LGR4: variants seen among roughly 807,000 people sequenced by gnomAD.
The protein encoded by LGR4 is leucine-rich repeat-containing G protein-coupled receptor 4.
In LGR4, 44 loss-of-function variants were observed where a neutral mutation model predicts 84.8. The observed-to-expected ratio is 0.52, with a 90% CI of 0.41 to 0.67. The LOEUF is 0.67. LGR4 is among the 30% of genes least tolerant of loss of function. The pLI is 0.00. For synonymous variants in LGR4, 429 were observed against 434.3 expected (o/e 0.99, Z 0.15); for missense variants, 1,032 against 1,131.4 (o/e 0.91, Z 1.26).
rs751503053 is a variant in LGR4 at position 27,384,322 on chromosome 11, ATG to A, written c.689+12_689+13del. The A allele has an allele frequency of 3.2e-6, 5 of 1,554,310 alleles. No individual in the cohort carries two copies. The highest frequency in any genetic ancestry group is 4.4e-6 in the Non-Finnish European group (5 of 1,129,740). The stretch of plus-strand genomic sequence containing the variant: ...ATATCACAATGCAGTTGCCCAAAAT[ATG>A]AATATACTTACAAGGTCTCCAGGTT... On this transcript the variant is annotated intron_variant, in intron 6 of 17. Transcript: ENST00000379214.
intron 1 of LGR4, among the ~76,000 whole-genome samples, chr11:27,437,942 C>A (rs768613719): frequency 2.0e-5 from 3 of 151,840 alleles, no homozygotes; most frequent in African/African-American, 4.8e-5. Flanking sequence ...CTTGAGCTTG[C>A]GAGGTTAAGA....
At position 27,368,104 on chromosome 11, in the gene LGR4, T is replaced by C; in HGVS notation, c.2619A>G (p.Lys873=). ...SFLLTKPVSC[K]HLIKSHSCPA... ...GACAGCTGTGTGATTTTATCAAGTG[T>C]TTGCATGATACTGGCTTTGTTAAAA... Residue 873 remains lysine (K), a synonymous_variant, in exon 18 of 18, where the codon AAA becomes AAG. Coordinates refer to ENST00000379214, the MANE Select transcript of LGR4 (RefSeq NM_018490.5). The C allele has an allele frequency of 6.2e-7, 1 of 1,614,108 alleles. No homozygotes were observed. Among genetic ancestry groups the C allele is most frequent in the Non-Finnish European group, 8.5e-7 (1 of 1,180,018 alleles).
intron 1 of LGR4, among the ~76,000 whole-genome samples, chr11:27,466,970 G>A (rs1007039906): frequency 6.6e-6 from 1 of 151,892 alleles, no homozygotes; most frequent in Non-Finnish European, 1.5e-5. Flanking sequence ...ATTTTAAGTA[G>A]AGACGGGGTT....
intron 15 of LGR4, 44 bp downstream of exon 15, chr11:27,373,507 C>G: frequency 6.8e-7 from 1 of 1,478,140 alleles, no homozygotes. Context: ...AATTTTGGAG[C>G]CTACCATAAC....
intron 1 of LGR4, among the ~76,000 whole-genome samples, chr11:27,451,157 CA>C (rs1864474828): frequency 6.6e-6 from 1 of 152,106 alleles, no homozygotes; most frequent in African/African-American, 2.4e-5. Context: ...AAAGTTAGCA[CA>C]ATTTTTCACT....
At chr11:27,396,623 C>A (rs557343201) in intron 2 of LGR4, among the ~76,000 whole-genome samples, 59 of 152,270 alleles carry the variant, frequency 3.9e-4, no homozygotes, top group African/African-American at 1.3e-3. Context: ...CAAAGACCAG[C>A]CACTTCCCAT....
At chr11:27,418,592 C>T (rs1863864808) in intron 1 of LGR4, among the ~76,000 whole-genome samples, 2 of 152,076 alleles carry the variant, frequency 1.3e-5, no homozygotes, top group South Asian at 2.1e-4. Context: ...AGGACAGATG[C>T]CACAACACCC....
intron 1 of LGR4, among the ~76,000 whole-genome samples, chr11:27,422,512 G>A (rs373332369): frequency 5.3e-5 from 8 of 152,202 alleles, no homozygotes; most frequent in East Asian, 3.9e-4. Context: ...ATCAAATGTT[G>A]TAAAGGTAAG....
chr11:27,465,966 G>GA (rs1349047450), intron 1 of LGR4, among the ~76,000 whole-genome samples: 1 of 151,904 alleles, frequency 6.6e-6, no homozygotes, highest in Non-Finnish European at 1.5e-5. Flanking sequence ...GGGGAAAAAA[G>GA]AAAAAAAGTC....
chr11:27,428,536 G>A (rs1864063985), intron 1 of LGR4, among the ~76,000 whole-genome samples: 4 of 152,194 alleles, frequency 2.6e-5, no homozygotes, highest in South Asian at 2.1e-4. Context: ...GCACAAACAT[G>A]TCTTGCTTGG....
intron 1 of LGR4, among the ~76,000 whole-genome samples, chr11:27,425,879 T>C (rs1166963686): frequency 6.6e-6 from 1 of 152,180 alleles, no homozygotes; most frequent in African/African-American, 2.4e-5. Flanking sequence ...TTTATAAATA[T>C]CTCTTTGATG....
chr11:27,467,063 G>T (rs942555320), intron 1 of LGR4, among the ~76,000 whole-genome samples: 70 of 151,828 alleles, frequency 4.6e-4, no homozygotes, highest in Non-Finnish European at 7.6e-4. Flanking sequence ...TGGGATTACA[G>T]GTGTGAGCCA....
At chr11:27,378,911 G>A (rs1863038418) in intron 10 of LGR4, 143 bp from the exon 11 acceptor site, 3 of 612,270 alleles carry the variant, frequency 4.9e-6, no homozygotes, top group Non-Finnish European at 5.7e-6. Context: ...CATAAAGTTA[G>A]ACATGCAAGA....
intron 13 of LGR4, 102 bp from the exon 14 acceptor site, chr11:27,374,148 G>T: frequency 1.3e-6 from 1 of 758,828 alleles, no homozygotes; most frequent in Non-Finnish European, 2.3e-6. Context: ...CAATATCGCT[G>T]ATAAGATAAC....
chr11:27,374,005 G>A lies in LGR4; in HGVS notation c.1223C>T (p.Ala408Val), dbSNP rs776781529. Residue 408 changes from alanine to valine, a missense_variant, in exon 14 of 18, where the codon GCT becomes GTT. Ala to Val is a moderately conservative substitution (Grantham distance 64). Transcript: ENST00000379214. ...RNLIHEIHSR[A>V]FATLGPITNL... is the part of the protein sequence containing the mutation. ...AGTTATTGGCCCAAGTGTGGCAAAA[G>A]CTCTACTGTGAATTTCATGTATCAG... The A allele has an allele frequency of 2.5e-6, 4 of 1,612,050 alleles. No individual in the cohort carries two copies. The highest frequency in any genetic ancestry group is 2.2e-5 in the East Asian group (1 of 44,798).
chr11:27,425,388 T>C (rs1336261860), intron 1 of LGR4, among the ~76,000 whole-genome samples: 1 of 151,520 alleles, frequency 6.6e-6, no homozygotes, highest in African/African-American at 2.4e-5. Context: ...GGAGTACATG[T>C]GGCACAATCA....
In LGR4 at chr11:27,368,198, T is replaced by C. The variant is rs566468357; in HGVS notation, c.2525A>G (p.Tyr842Cys). 2.5e-6 allele frequency: 4 copies of C among 1,614,218 alleles called. No homozygotes were observed. Among genetic ancestry groups the C allele is most frequent in the South Asian group, 2.2e-5 (2 of 91,084 alleles). The change falls in exon 18 of 18, where the codon TAC becomes TGC. Residue 842 changes from tyrosine to cysteine, a missense_variant. Coordinates refer to ENST00000379214, the MANE Select transcript of LGR4 (RefSeq NM_018490.5). ...ATGTGAGTACATGCCACAGTCGTAG[T>C]AGAAATCCTGTTCCAGACAACCACC... ...SQGGCLEQDF[Y>C]YDCGMYSHLQ...
intron 1 of LGR4, among the ~76,000 whole-genome samples, chr11:27,430,212 C>A (rs12271278): frequency 0.25 from 37,788 of 152,078 alleles, 7,997 homozygotes; most frequent in African/African-American, 0.58. Context: ...TTAAGTGCCA[C>A]TCAAAGCTCC....
chr11:27,395,352 C>G (rs942542504), intron 2 of LGR4, among the ~76,000 whole-genome samples: 4 of 146,706 alleles, frequency 2.7e-5, no homozygotes, highest in Non-Finnish European at 5.9e-5. Context: ...GTGCTGGGCT[C>G]ATAAAAAAAA....
Sources: allele counts gnomAD v4.1 joint callset (sites outside exome capture counted in the v4.1 genomes callset), GRCh38; gene constraint gnomAD v4.1.1; transcripts MANE v1.5; gene names NCBI Gene and HGNC (gene_info 2026-07-23, HGNC 2026-07-21).